The following TAOK1 variants were observed in gnomAD, a reference collection of about 807,000 sequenced individuals.
TAOK1 encodes the protein TAO kinase 1.
Under a neutral mutation model 138.3 loss-of-function variants are expected in TAOK1, and 21 were observed. That is an observed-to-expected ratio of 0.15 (90% CI 0.11 to 0.22). The LOEUF (loss-of-function observed/expected upper bound fraction) is 0.22. Among genes scored for constraint, TAOK1 ranks in the 10% least tolerant of loss-of-function variants. The probability of loss-of-function intolerance (pLI) is 1.00; values close to 1 mark genes in which losing one functional copy is unlikely to be tolerated. For missense variants in TAOK1, 651 were observed against 1,227.7 expected, an observed-to-expected ratio of 0.53 and a Z score of 7.02; for synonymous variants, 361 against 398.4, an observed-to-expected ratio of 0.91 and a Z score of 1.12.
At chr17:29,441,669 A>C (rs1382693760) in intron 1 of TAOK1, among the ~76,000 whole-genome samples, 1 of 152,178 alleles carries the variant, frequency 6.6e-6, no homozygotes, top group Non-Finnish European at 1.5e-5. Context: ...TGGGAGGCTA[A>C]GGCAGGTGGA....
chr17:29,475,739 A>G lies in TAOK1; in HGVS notation c.274A>G (p.Lys92Glu). The G allele has an allele frequency of 6.2e-7, 1 of 1,613,332 alleles. No individual in the cohort carries two copies. Among genetic ancestry groups the G allele is most frequent in the South Asian group, 1.1e-5 (1 of 90,768 alleles). The change falls in exon 4 of 20, where the codon AAA (lysine) becomes GAA (glutamate). Residue 92 changes from lysine to glutamate, a missense_variant. Lys to Glu is a moderately conservative substitution (Grantham distance 56). Around this residue, in one of 8 missense-constraint regions of TAOK1, gnomAD observed 116 missense variants for 213.9 expected, o/e 0.54. Coordinates refer to ENST00000261716, the MANE Select transcript of TAOK1 (RefSeq NM_020791.4). Reference protein sequence around the residue: ...RIKHPNSIEYKGCYLREHTAW... With the variant: ...RIKHPNSIEYEGCYLREHTAW... ...AAAACATCCCAACAGTATAGAATAC[A>G]AAGGCTGTTATTTACGTGAACACAC...
intron 1 of TAOK1, among the ~76,000 whole-genome samples, chr17:29,422,516 C>T (rs1905485338): frequency 6.6e-6 from 1 of 152,176 alleles, no homozygotes; most frequent in African/African-American, 2.4e-5. Context: ...CTGCTCCCGG[C>T]CCCTCTATTT....
At chr17:29,452,431 G>A (rs1567722250) in intron 2 of TAOK1, among the ~76,000 whole-genome samples, 1 of 151,984 alleles carries the variant, frequency 6.6e-6, no homozygotes, top group Non-Finnish European at 1.5e-5. Flanking sequence ...TCTTAGTCTT[G>A]TGGAGGTCTA....
At position 29,547,163 on chromosome 17, in the gene TAOK1, T is replaced by G. The variant is rs542326266; in HGVS notation, c.*4141T>G. ...ACCAATAAATCACACAATCTTTATG[T>G]GCTTTCTATATGTATTTCTTAGTAG... On this transcript the variant is annotated 3_prime_UTR_variant, in exon 20 of 20. Transcript: ENST00000261716. The G allele has an allele frequency of 4.6e-5, 7 of 152,252 alleles. No individual in the cohort carries two copies. The East Asian group carries it at 1.3e-3, about 29-fold the overall frequency. The allele number at this position is 152,252 out of a possible 1,614,324, so 9.4% of individuals were successfully genotyped here.
Position 29,468,135 on chromosome 17 carries a change from ATTT to A in TAOK1, c.204+934_204+936del, listed in dbSNP as rs761962930. Among the ~76,000 whole-genome samples the A allele has an allele frequency of 6.0e-4, 46 of 76,044 alleles. 5 individuals are homozygous for A. The highest frequency in any genetic ancestry group is 3.1e-3 in the Admixed American group (21 of 6,844). 49.9% of individuals were successfully genotyped at this position (76,044 alleles called of 152,430 possible). A position where few individuals can be genotyped will look rare whatever the true frequency, so the allele number is the denominator to read the frequency against. ...AACCACTGTGCTTGGCCTGCTTTCA[ATTT>A]TTTTTTTTTTTTTTAGGAGCTGGAG... On this transcript the variant is annotated intron_variant, in intron 3 of 19. Transcript: ENST00000261716.
In TAOK1 at chr17:29,523,718, A is replaced by G. The variant is rs377161565; in HGVS notation, c.2148+1199A>G. Among the ~76,000 whole-genome samples, 12 of 152,148 alleles carry G rather than the reference A, an allele frequency of 7.9e-5. No individual in the cohort carries two copies. The East Asian group carries it at 1.2e-3, about 15-fold the overall frequency. The stretch of plus-strand genomic sequence containing the variant: ...ATCTTAATATACAAAACCACCCACT[A>G]TCTGTCATCGATGATAAGCACCTCA... On this transcript the variant is annotated intron_variant, in intron 17 of 19. Coordinates refer to ENST00000261716, the MANE Select transcript of TAOK1 (RefSeq NM_020791.4).
At chr17:29,444,413 T>A (rs2030026304) in intron 1 of TAOK1, among the ~76,000 whole-genome samples, 1 of 152,220 alleles carries the variant, frequency 6.6e-6, no homozygotes, top group Non-Finnish European at 1.5e-5. Flanking sequence ...CTTTAGTATG[T>A]ATAGAAAAAG....
At chr17:29,501,220 TTAA>T (rs1357269708) in intron 12 of TAOK1, among the ~76,000 whole-genome samples, 2 of 88,566 alleles carry the variant, frequency 2.3e-5, no homozygotes, top group African/African-American at 7.9e-5. Context: ...CCCCATCTGT[TTAA>T]AAAAAAAAAA....
At chr17:29,419,688 CT>C (rs775007552) in intron 1 of TAOK1, among the ~76,000 whole-genome samples, 1 of 151,496 alleles carries the variant, frequency 6.6e-6, no homozygotes, top group Non-Finnish European at 1.5e-5. Flanking sequence ...GAGATGAGGT[CT>C]TGCTGTGTTA....
chr17:29,522,443 A>C lies in TAOK1; in HGVS notation c.2072A>C (p.Glu691Ala). The C allele has an allele frequency of 6.2e-7, 1 of 1,614,198 alleles. No individual in the cohort carries two copies. The highest frequency in any genetic ancestry group is 8.5e-7 in the Non-Finnish European group (1 of 1,180,042). The change falls in exon 17 of 20, where the codon GAA (glutamate) becomes GCA (alanine). Residue 691 changes from glutamate (E) to alanine (A), a missense_variant. By Grantham distance (107) the Glu-to-Ala change is moderately radical. Around this residue, in one of 8 missense-constraint regions of TAOK1, gnomAD observed 258 missense variants for 548.9 expected, o/e 0.47. Coordinates refer to ENST00000261716, the MANE Select transcript of TAOK1 (RefSeq NM_020791.4). ...CAAACTGAGCTCACTAACCAGCTGGAATATAATAAGCGAAGAGAACGAGAA... is the reference window on the plus strand; with the variant it reads ...CAAACTGAGCTCACTAACCAGCTGGCATATAATAAGCGAAGAGAACGAGAA... Reference protein sequence around the residue: ...QHQTELTNQLEYNKRRERELR... With the variant: ...QHQTELTNQLAYNKRRERELR...
chr17:29,427,033 G>C (rs558603014), intron 1 of TAOK1, among the ~76,000 whole-genome samples: 4 of 152,278 alleles, frequency 2.6e-5, no homozygotes, highest in Admixed American at 2.0e-4. Flanking sequence ...GGAATTGGAT[G>C]AGAATTGATA....
chr17:29,522,465 A>G lies in TAOK1; in HGVS notation c.2094A>G (p.Arg698=), dbSNP rs375775067. 6.2e-7 allele frequency: 1 copy of G among 1,614,098 alleles called. No homozygotes were observed. Among genetic ancestry groups the G allele is most frequent in the Non-Finnish European group, 8.5e-7 (1 of 1,180,044 alleles). The part of the protein sequence containing the change: ...NQLEYNKRRE[R]ELRRKHVMEV... Reference sequence around the variant, plus strand: ...TGGAATATAATAAGCGAAGAGAACGAGAACTAAGACGAAAGCATGTCATGG... The same window carrying G: ...TGGAATATAATAAGCGAAGAGAACGGGAACTAAGACGAAAGCATGTCATGG... Residue 698 remains arginine (R), a synonymous_variant, in exon 17 of 20, where the codon CGA becomes CGG. Coordinates refer to ENST00000261716, the MANE Select transcript of TAOK1 (RefSeq NM_020791.4).
At chr17:29,485,941 C>T (rs940088947) in intron 8 of TAOK1, among the ~76,000 whole-genome samples, 1 of 152,114 alleles carries the variant, frequency 6.6e-6, no homozygotes, top group African/African-American at 2.4e-5. Context: ...TGGGTAGAGA[C>T]GTTTTAGAAA....
chr17:29,441,827 G>A (rs2029947796), intron 1 of TAOK1, among the ~76,000 whole-genome samples: 1 of 152,060 alleles, frequency 6.6e-6, no homozygotes, highest in Admixed American at 6.5e-5. Context: ...GAACCCAGGA[G>A]GCGGAGGTTG....
At chr17:29,447,687 C>T (rs1390811215) in intron 1 of TAOK1, among the ~76,000 whole-genome samples, 5 of 149,286 alleles carry the variant, frequency 3.3e-5, no homozygotes, top group Non-Finnish European at 5.9e-5. Context: ...GACAGAGTGT[C>T]GCTATGTTGC....
intron 1 of TAOK1, among the ~76,000 whole-genome samples, chr17:29,399,389 C>T (rs941656243): frequency 1.3e-5 from 2 of 152,146 alleles, no homozygotes; most frequent in African/African-American, 2.4e-5. Context: ...AATCTCGGCT[C>T]GCTGCAACCT....
intron 1 of TAOK1, among the ~76,000 whole-genome samples, chr17:29,415,859 A>G (rs956839842): frequency 6.6e-5 from 10 of 152,372 alleles, no homozygotes; most frequent in Middle Eastern, 3.4e-3. Flanking sequence ...ATGTACAGTT[A>G]TAAACTGTAA....
intron 1 of TAOK1, among the ~76,000 whole-genome samples, chr17:29,415,207 G>C (rs995460283): frequency 6.6e-6 from 1 of 151,958 alleles, no homozygotes; most frequent in Non-Finnish European, 1.5e-5. Context: ...GAGCTCAAGC[G>C]ATCCACCTGC....
chr17:29,432,113 C>G (rs897855998), intron 1 of TAOK1, among the ~76,000 whole-genome samples: 1 of 152,194 alleles, frequency 6.6e-6, no homozygotes, highest in African/African-American at 2.4e-5. Context: ...AGTGGGAAAT[C>G]AGGGGGCTGA....
Sources: gnomAD v4.1 joint callset for allele counts (sites outside exome capture counted in the v4.1 genomes callset) on GRCh38, gnomAD v4.1.1 for gene constraint, gnomAD v4.1.1 regional missense constraint, MANE v1.5 for transcripts, NCBI Gene and HGNC (gene_info 2026-07-23, HGNC 2026-07-21) for gene names.